PCDHA4: variants seen among roughly 807,000 people sequenced by gnomAD.
The protein encoded by PCDHA4 is protocadherin alpha 4, also known as protocadherin alpha-4.
PCDHA4 carries 49 observed loss-of-function variants against 61.4 expected under a neutral mutation model. That is an observed-to-expected ratio of 0.80 (90% CI 0.63 to 1.01). PCDHA4 has a LOEUF of 1.01. Ranked by LOEUF, PCDHA4 falls within the 50% of genes least tolerant of loss-of-function variation. PCDHA4 has a pLI of 0.00. For synonymous variants in PCDHA4, 590 were observed against 550.3 expected, an observed-to-expected ratio of 1.07 and a Z score of -1.01; for missense variants, 1,254 against 1,235.8, an observed-to-expected ratio of 1.01 and a Z score of -0.22.
intron 1 of PCDHA4, among the ~76,000 whole-genome samples, chr5:140,888,585 AC>A (rs1327529840): frequency 4.6e-5 from 7 of 152,358 alleles, no homozygotes; most frequent in African/African-American, 1.4e-4. Flanking sequence ...ATTTGTTAGT[AC>A]ACATTCAGAG....
intron 3 of PCDHA4, among the ~76,000 whole-genome samples, chr5:140,992,543 T>G (rs1226407687): frequency 6.6e-6 from 1 of 152,186 alleles, no homozygotes; most frequent in African/African-American, 2.4e-5. Flanking sequence ...CTGTCACAAG[T>G]GATGCCAGGA....
At chr5:140,979,973 A>G (rs782560392) in intron 2 of PCDHA4, among the ~76,000 whole-genome samples, 9 of 152,230 alleles carry the variant, frequency 5.9e-5, no homozygotes, top group Non-Finnish European at 1.0e-4. Context: ...ATTAAAATGC[A>G]TTAGATTGAA....
At chr5:140,877,910 T>A in intron 1 of PCDHA4, 2 of 1,431,310 alleles carry the variant, frequency 1.4e-6, no homozygotes, top group African/African-American at 2.9e-5. Flanking sequence ...AACTACATTC[T>A]CTCATTTTTC....
chr5:140,906,615 T>C (rs2072789527), intron 1 of PCDHA4, among the ~76,000 whole-genome samples: 1 of 152,226 alleles, frequency 6.6e-6, no homozygotes, highest in Admixed American at 6.5e-5. Context: ...TGTATTCCCT[T>C]TGCCTTCAGC....
At chr5:140,979,900 T>A (rs1554241214) in intron 2 of PCDHA4, among the ~76,000 whole-genome samples, 4 of 152,214 alleles carry the variant, frequency 2.6e-5, no homozygotes, top group Admixed American at 6.5e-5. Context: ...CAAACTTAGA[T>A]CAGTTCGTAA....
At position 140,834,371 on chromosome 5, in the gene PCDHA4, C is replaced by G. The variant is rs2150215996; in HGVS notation, c.2385+24799C>G. Reference sequence around the variant, plus strand: ...AAGTTTTGCTGACTAGAAAAACAAGCCAATAATTTGAAATGGTGTGCCCGA... The same window carrying G: ...AAGTTTTGCTGACTAGAAAAACAAGGCAATAATTTGAAATGGTGTGCCCGA... On this transcript the variant is annotated intron_variant, in intron 1 of 3. Coordinates refer to ENST00000530339, the MANE Select transcript of PCDHA4 (RefSeq NM_018907.4). 3.9e-6 allele frequency: 6 copies of G among 1,557,822 alleles called. No individual in the cohort carries two copies. In the African/African-American group the frequency reaches 8.2e-5, roughly 21 times the overall value.
intron 1 of PCDHA4, chr5:140,857,582 G>T: frequency 6.3e-7 from 1 of 1,596,726 alleles, no homozygotes; most frequent in Non-Finnish European, 8.6e-7. Flanking sequence ...GGTGCACGCG[G>T]AGAGCGGCAA....
intron 1 of PCDHA4, among the ~76,000 whole-genome samples, chr5:140,840,107 G>A (rs2150303526): frequency 2.6e-5 from 4 of 151,884 alleles, no homozygotes; most frequent in East Asian, 1.9e-4. Flanking sequence ...TAGTGAAATC[G>A]AGTGAAAGCT....
chr5:140,876,637 C>T, intron 1 of PCDHA4: 1 of 1,614,206 alleles, frequency 6.2e-7, no homozygotes, highest in Non-Finnish European at 8.5e-7. Context: ...CATCTGCTCA[C>T]TGACACCTCA....
intron 1 of PCDHA4, chr5:140,850,800 C>T (rs1554144941): frequency 1.9e-6 from 3 of 1,598,392 alleles, no homozygotes; most frequent in African/African-American, 1.3e-5. Context: ...GAAGACCGAC[C>T]TCATGGCCTT....
Position 140,882,483 on chromosome 5 carries a change from G to C in PCDHA4, c.2385+72911G>C. ...TTCCGGGTGGCGTCCAAAAGACACG[G>C]GGACCTTCTGGAGGTAAATCTGCAG... On this transcript the variant is annotated intron_variant, in intron 1 of 3. Coordinates refer to ENST00000530339, the MANE Select transcript of PCDHA4 (RefSeq NM_018907.4). 2 of 1,614,080 alleles carry C rather than the reference G, an allele frequency of 1.2e-6. No individual in the cohort carries two copies. Among genetic ancestry groups the C allele is most frequent in the Non-Finnish European group, 1.7e-6 (2 of 1,180,052 alleles).
chr5:140,925,108 G>GGAAGGAAGGAAGGAA (rs1554202548), intron 1 of PCDHA4, among the ~76,000 whole-genome samples: 36 of 124,780 alleles, frequency 2.9e-4, no homozygotes, highest in African/African-American at 1.2e-3. Context: ...GAAGGAAGGA[G>GGAAGGAAGGAAGGAA]GGAAGGAAGG....
At chr5:140,834,316 G>A (rs1772899849) in intron 1 of PCDHA4, 1 of 1,378,132 alleles carries the variant, frequency 7.3e-7, no homozygotes, top group Non-Finnish European at 1.0e-6. Context: ...TGAAATGAAG[G>A]GATAAAAACA....
chr5:140,827,904 G>GC (rs1769447630), intron 1 of PCDHA4: 2 of 786,390 alleles, frequency 2.5e-6, no homozygotes, highest in African/African-American at 3.4e-5. Flanking sequence ...TTTTGGAGCC[G>GC]CATGATGTCG....
intron 3 of PCDHA4, among the ~76,000 whole-genome samples, chr5:141,008,259 T>G (rs986818585): frequency 3.3e-5 from 5 of 152,202 alleles, no homozygotes; most frequent in Non-Finnish European, 7.3e-5. Context: ...TAGAGGAGAC[T>G]GAGAAGTAAT....
In PCDHA4 at chr5:140,808,721, G is replaced by A. The variant is rs1348144933; in HGVS notation, c.1534G>A (p.Ala512Thr). 6.8e-6 allele frequency: 11 copies of A among 1,612,098 alleles called. No individual in the cohort carries two copies. In the African/African-American group the frequency reaches 1.3e-4, roughly 20 times the overall value. ...RALSSYVSVH[A>T]ESGKVYALQP... is the part of the protein sequence containing the mutation. ...GCTGTCGAGCTACGTTTCGGTGCAT[G>A]CGGAGAGCGGCAAGGTGTACGCGCT... The change falls in exon 1 of 4, where the codon GCG becomes ACG. Residue 512 changes from alanine to threonine, a missense_variant. Physicochemically the swap from Ala to Thr is moderately conservative, Grantham distance 58. Transcript: ENST00000530339.
chr5:140,953,295 C>T (rs74485628), intron 1 of PCDHA4, among the ~76,000 whole-genome samples: 3,568 of 152,144 alleles, frequency 0.023, 49 homozygotes, highest in Middle Eastern at 0.034. Flanking sequence ...GATTCAGGGA[C>T]GGCAGAGATG....
At chr5:140,858,825 A>G in intron 1 of PCDHA4, 1 of 333,686 alleles carries the variant, frequency 3.0e-6, no homozygotes, top group Non-Finnish European at 5.6e-6. Flanking sequence ...TTGTATTTGC[A>G]TTACCAAAAA....
At chr5:140,822,452 A>T (rs2150116491) in intron 1 of PCDHA4, 2 of 1,613,774 alleles carry the variant, frequency 1.2e-6, no homozygotes, top group Non-Finnish European at 1.7e-6. Flanking sequence ...GGTACAGTTC[A>T]GTTGTTGATC....
Sources: allele counts gnomAD v4.1 joint callset (sites outside exome capture counted in the v4.1 genomes callset), GRCh38; gene constraint gnomAD v4.1.1; transcripts MANE v1.5; gene names NCBI Gene and HGNC (gene_info 2026-07-23, HGNC 2026-07-21).